ANKRD66: variants seen among roughly 807,000 people sequenced by gnomAD.
ANKRD66 encodes ankyrin repeat domain 66, also known as ankyrin repeat domain-containing protein 66.
Under a neutral mutation model 10.9 loss-of-function variants are expected in ANKRD66, and 10 were observed. The ratio of observed to expected loss-of-function variants is 0.91; its 90% confidence interval spans 0.56 to 1.55. The LOEUF (loss-of-function observed/expected upper bound fraction) is 1.55, where lower values mean the gene tolerates loss of function less well. Ranked by LOEUF, ANKRD66 falls within the 40% of genes most tolerant of loss-of-function variation. The pLI is 0.00. For synonymous variants in ANKRD66, 85 were observed against 88.4 expected (o/e 0.96, Z 0.22); for missense variants, 252 against 242.9 (o/e 1.04, Z -0.25).
intron 4 of ANKRD66, chr6:46,756,115 G>A (rs570638098): frequency 8.6e-5 from 38 of 442,228 alleles, no homozygotes; most frequent in Admixed American, 3.0e-4. Flanking sequence ...ATCAAGAAAC[G>A]CCTGACTTCT....
At chr6:46,749,560 C>A (rs926925193) in intron 1 of ANKRD66, among the ~76,000 whole-genome samples, 8 of 105,240 alleles carry the variant, frequency 7.6e-5, no homozygotes, top group South Asian at 6.8e-4. Flanking sequence ...TCCCCCCCCC[C>A]CCCCCCCGCT....
chr6:46,755,320 C>T (rs1268751205), intron 4 of ANKRD66, among the ~76,000 whole-genome samples: 5 of 152,202 alleles, frequency 3.3e-5, no homozygotes, highest in African/African-American at 1.2e-4. Context: ...AATATTTCCA[C>T]TTTTATCTGA....
rs111455763 is a variant in ANKRD66, at chr6:46,749,557, C to G, written c.-96-339C>G. 3.7e-3 allele frequency among the ~76,000 whole-genome samples: 359 copies of G among 96,398 alleles called. 29 individuals are homozygous for G. Among genetic ancestry groups the G allele is most frequent in the African/African-American group, 0.014 (346 of 23,900 alleles). The allele number at this position is 96,398 out of a possible 152,430, so 63.2% of individuals were successfully genotyped here. A position where few individuals can be genotyped will look rare whatever the true frequency, so the allele number is the denominator to read the frequency against. The stretch of plus-strand genomic sequence containing the variant: ...TTTTTTTTTCTCTTTTATTCCCCCC[C>G]CCCCCCCCCCGCTTTTTTCTTTTCC... On this transcript the variant is annotated intron_variant, in intron 1 of 4. Transcript: ENST00000565422.
In ANKRD66 at chr6:46,758,847, C is replaced by G; in HGVS notation, c.517C>G (p.Gln173Glu). The G allele has an allele frequency of 6.4e-7, 1 of 1,551,458 alleles. No individual in the cohort carries two copies. Among genetic ancestry groups the G allele is most frequent in the Non-Finnish European group, 8.7e-7 (1 of 1,146,882 alleles). ...ELELSLPSLNQNMNKKNKKSR... is the reference protein window; with the variant it reads ...ELELSLPSLNENMNKKNKKSR... ...GGAGCTGTCTCTTCCTTCCCTAAATCAAAACATGAATAAAAAGAATAAGAA... is the reference window on the plus strand; with the variant it reads ...GGAGCTGTCTCTTCCTTCCCTAAATGAAAACATGAATAAAAAGAATAAGAA... Residue 173 changes from glutamine to glutamate, a missense_variant, in exon 5 of 5, where the codon CAA (glutamine) becomes GAA (glutamate). By Grantham distance (29) the Gln-to-Glu change is conservative (BLOSUM62 2). Transcript: ENST00000565422.
chr6:46,758,029 A>G (rs1215369540), intron 4 of ANKRD66: 1 of 152,216 alleles, frequency 6.6e-6, no homozygotes, highest in Non-Finnish European at 1.5e-5. Flanking sequence ...TGTGCTTTTA[A>G]TAATGGTTTG....
Position 46,753,574 on chromosome 6 carries a change from A to G in ANKRD66, c.164-148A>G, listed in dbSNP as rs572188488. The G allele has an allele frequency of 6.2e-5, 45 of 722,470 alleles. No individual in the cohort carries two copies. In the South Asian group the frequency reaches 9.0e-4, roughly 14 times the overall value. 44.8% of individuals were successfully genotyped at this position (722,470 alleles called of 1,614,324 possible). ...CTGAGTCCCTGGTGAGAAGAGGGAAAAGGGAGGAGGGGATGATGATAGGAA... is the reference window on the plus strand; with the variant it reads ...CTGAGTCCCTGGTGAGAAGAGGGAAGAGGGAGGAGGGGATGATGATAGGAA... On this transcript the variant is annotated intron_variant, in intron 3 of 4. Coordinates refer to ENST00000565422, the MANE Select transcript of ANKRD66 (RefSeq NM_001162435.3).
chr6:46,758,705 C>T lies in ANKRD66; in HGVS notation c.393-18C>T. On this transcript the variant is annotated intron_variant, in intron 4 of 4. Coordinates refer to ENST00000565422, the MANE Select transcript of ANKRD66 (RefSeq NM_001162435.3). ...GTCCTCCTGATCCAAGTTCAGAAGG[C>T]TCTCTCTTCTTTCCTAGGGCAGAGC... 1 of 1,531,734 alleles carries T rather than the reference C, an allele frequency of 6.5e-7. No homozygotes were observed. The highest frequency in any genetic ancestry group is 8.8e-7 in the Non-Finnish European group (1 of 1,139,708). 94.9% of individuals were successfully genotyped at this position (1,531,734 alleles called of 1,614,324 possible). A position where few individuals can be genotyped will look rare whatever the true frequency, so the allele number is the denominator to read the frequency against.
chr6:46,752,515 G>A (rs1366748310), intron 3 of ANKRD66, among the ~76,000 whole-genome samples: 2 of 152,178 alleles, frequency 1.3e-5, no homozygotes, highest in South Asian at 2.1e-4. Context: ...GATTACAGGC[G>A]TGAGCCACCA....
chr6:46,755,150 C>T (rs184545725), intron 4 of ANKRD66, among the ~76,000 whole-genome samples: 2 of 152,298 alleles, frequency 1.3e-5, no homozygotes, highest in East Asian at 1.9e-4. Flanking sequence ...CCATAATACA[C>T]TTCATTCTTC....
chr6:46,752,009 T>A lies in ANKRD66; in HGVS notation c.61T>A (p.Tyr21Asn), dbSNP rs1766280308. 1.1e-5 allele frequency: 17 copies of A among 1,534,870 alleles called. No individual in the cohort carries two copies. Among genetic ancestry groups the A allele is most frequent in the Non-Finnish European group, 1.5e-5 (17 of 1,140,040 alleles). Residue 21 changes from tyrosine to asparagine, a missense_variant, in exon 3 of 5, where the codon TAC becomes AAC. Physicochemically the swap from Tyr to Asn is moderately radical, Grantham distance 143. Transcript: ENST00000565422. ...TCACCAAGCTGTGGCTGCAGGAGAC[T>A]ACAGCTTAGTGAAGAAGATTTTGAA... Reference protein sequence around the residue: ...KLHQAVAAGDYSLVKKILKKG... With the variant: ...KLHQAVAAGDNSLVKKILKKG...
rs200238890 is a variant in ANKRD66, at chr6:46,750,266, T to TG, written c.-13+289dup. 5.4e-3 allele frequency among the ~76,000 whole-genome samples: 816 copies of TG among 152,294 alleles called. 7 individuals carry two copies. Among genetic ancestry groups the TG allele is most frequent in the African/African-American group, 0.018 (750 of 41,554 alleles). On this transcript the variant is annotated intron_variant, in intron 2 of 4. Transcript: ENST00000565422. ...GAGCCCCAGAGAGCTTTTGTTTATG[T>TG]GGTTATGGTTGTCAATTTATTCTAT...
Position 46,759,040 on chromosome 6 carries a change from A to G in ANKRD66, c.*119A>G, listed in dbSNP as rs903934029. On this transcript the variant is annotated 3_prime_UTR_variant, in exon 5 of 5. Coordinates refer to ENST00000565422, the MANE Select transcript of ANKRD66 (RefSeq NM_001162435.3). ...ACCCTTACCCACCTGGCTTCTGCCC[A>G]TGGACCTGTCATTAGGTGCTGTCCA... 123 of 997,318 alleles carry G rather than the reference A, an allele frequency of 1.2e-4. No individual in the cohort carries two copies. Among genetic ancestry groups the G allele is most frequent in the Non-Finnish European group, 1.6e-4 (112 of 695,936 alleles). 61.8% of individuals were successfully genotyped at this position (997,318 alleles called of 1,614,324 possible). A position where few individuals can be genotyped will look rare whatever the true frequency, so the allele number is the denominator to read the frequency against.
intron 4 of ANKRD66, among the ~76,000 whole-genome samples, chr6:46,755,780 C>A (rs780999815): frequency 6.6e-6 from 1 of 152,158 alleles, no homozygotes; most frequent in Non-Finnish European, 1.5e-5. Context: ...CACTTCTAAG[C>A]AACTTGAAAG....
intron 4 of ANKRD66, chr6:46,756,932 C>T (rs1766397592): frequency 6.6e-6 from 1 of 152,078 alleles, no homozygotes; most frequent in South Asian, 2.1e-4. Context: ...AGGGTCCTGC[C>T]CTTGGCTGTC....
chr6:46,753,843 T>C lies in ANKRD66; in HGVS notation c.285T>C (p.Thr95=). 2 of 1,551,666 alleles carry C rather than the reference T, an allele frequency of 1.3e-6. No individual in the cohort carries two copies. The highest frequency in any genetic ancestry group is 1.7e-6 in the Non-Finnish European group (2 of 1,146,988). The part of the protein sequence containing the change: ...AEAGHLNILK[T]LHALHAAIDA... ...CAGGCCATCTGAATATACTCAAAAC[T>C]CTCCATGCATTGCACGCTGCCATCG... Residue 95 remains threonine, a synonymous_variant, in exon 4 of 5, where the codon ACT becomes ACC. Transcript: ENST00000565422.
chr6:46,751,883 C>T (rs978697184), intron 2 of ANKRD66, 54 bp from the exon 3 acceptor site: 17 of 1,370,764 alleles, frequency 1.2e-5, no homozygotes, highest in African/African-American at 4.6e-5. Flanking sequence ...TGGGATTACT[C>T]GCTAGGAATA....
intron 4 of ANKRD66, chr6:46,756,989 G>C (rs970704877): frequency 6.6e-6 from 1 of 152,082 alleles, no homozygotes; most frequent in Non-Finnish European, 1.5e-5. Context: ...CTAGTGACCA[G>C]GGATCAACAT....
At chr6:46,756,814 T>G (rs1169608049) in intron 4 of ANKRD66, 1 of 152,246 alleles carries the variant, frequency 6.6e-6, no homozygotes, top group Non-Finnish European at 1.5e-5. Context: ...TCTCTTTTAG[T>G]TTTTCTTCTA....
intron 2 of ANKRD66, among the ~76,000 whole-genome samples, chr6:46,751,503 A>C (rs1005309103): frequency 6.6e-6 from 1 of 151,874 alleles, no homozygotes; most frequent in Non-Finnish European, 1.5e-5. Flanking sequence ...TTTTTTTTGC[A>C]AATTGACATT....
Sources: gnomAD v4.1 joint callset for allele counts (sites outside exome capture counted in the v4.1 genomes callset) on GRCh38, gnomAD v4.1.1 for gene constraint, MANE v1.5 for transcripts, NCBI Gene and HGNC (gene_info 2026-07-23, HGNC 2026-07-21) for gene names.